The following FBXO30 variants were observed in gnomAD, a reference collection of about 807,000 sequenced individuals.
FBXO30 encodes the protein F-box protein 30.
Under a neutral mutation model 58.1 loss-of-function variants are expected in FBXO30, and 21 were observed. The observed-to-expected ratio is 0.36, with a 90% CI of 0.26 to 0.52. The LOEUF is 0.52. Ranked by LOEUF, FBXO30 falls within the 20% of genes least tolerant of loss-of-function variation. FBXO30 has a pLI of 0.93. For missense variants in FBXO30, 744 were observed against 897.3 expected, an observed-to-expected ratio of 0.83 and a Z score of 2.18; for synonymous variants, 309 against 312.4, an observed-to-expected ratio of 0.99 and a Z score of 0.11.
chr6:145,807,309 AT>A (rs1186022918), intron 1 of FBXO30, among the ~76,000 whole-genome samples: 2 of 152,238 alleles, frequency 1.3e-5, no homozygotes, highest in Non-Finnish European at 2.9e-5. Flanking sequence ...ATGAGTAGGG[AT>A]TAGAGAATAA....
rs1777882344 is a variant in FBXO30, at chr6:145,797,179, T to G, written c.*2927A>C. On this transcript the variant is annotated 3_prime_UTR_variant, in exon 3 of 3. Coordinates refer to ENST00000237281, the MANE Select transcript of FBXO30 (RefSeq NM_032145.5). Reference sequence around the variant, plus strand: ...ATGAACTAAAATTTGCACTGCAATTTACCTTGAACAGAAGAAACACTAGTA... The same window carrying G: ...ATGAACTAAAATTTGCACTGCAATTGACCTTGAACAGAAGAAACACTAGTA... 6.6e-6 allele frequency: 1 copy of G among 151,986 alleles called. No individual in the cohort carries two copies. The highest frequency in any genetic ancestry group is 1.5e-5 in the Non-Finnish European group (1 of 67,922). The allele number at this position is 151,986 out of a possible 1,614,324, so 9.4% of individuals were successfully genotyped here.
At chr6:145,809,005 A>G (rs893007084) in intron 1 of FBXO30, among the ~76,000 whole-genome samples, 4 of 149,612 alleles carry the variant, frequency 2.7e-5, no homozygotes, top group Non-Finnish European at 4.5e-5. Flanking sequence ...TTCCGAGTTG[A>G]TATTATGGTG....
Position 145,806,337 on chromosome 6 carries a change from C to G in FBXO30, c.69G>C (p.Glu23Asp). 1.2e-6 allele frequency: 2 copies of G among 1,613,942 alleles called. No homozygotes were observed. The highest frequency in any genetic ancestry group is 2.2e-5 in the South Asian group (2 of 91,080). Residue 23 changes from glutamate (E) to aspartate (D), a missense_variant, in exon 2 of 3, where the codon GAG becomes GAC. Physicochemically the swap from Glu to Asp is conservative, Grantham distance 45. Transcript: ENST00000237281. ...CVSRRCMTRPEPGISCDLIGC... is the reference protein window; with the variant it reads ...CVSRRCMTRPDPGISCDLIGC... ...CAATCAAATCACAGGAAATCCCTGG[C>G]TCTGGCCTGGTCATGCACCGTCTAC...
intron 1 of FBXO30, chr6:145,809,778 G>GA (rs1479593104): frequency 6.6e-6 from 1 of 152,156 alleles, no homozygotes; most frequent in Non-Finnish European, 1.5e-5. Context: ...CAACCTGGAG[G>GA]AAACTGAGGT....
chr6:145,804,827 A>G lies in FBXO30; in HGVS notation c.1579T>C (p.Phe527Leu). 3 of 1,613,944 alleles carry G rather than the reference A, an allele frequency of 1.9e-6. No homozygotes were observed. The highest frequency in any genetic ancestry group is 2.7e-5 in the African/African-American group (2 of 75,028). The change falls in exon 2 of 3, where the codon TTT becomes CTT. Residue 527 changes from phenylalanine (F) to leucine (L), a missense_variant. By Grantham distance (22) the Phe-to-Leu change is conservative. Transcript: ENST00000237281. ...TGGGAAGAAAATTCTTTCCTTCTAA[A>G]TAACTGTCCACACACAAAGGTAAAC... ...SMFTFVCGQLFRRKEFSSHFK... is the reference protein window; with the variant it reads ...SMFTFVCGQLLRRKEFSSHFK...
rs528327276 is a variant in FBXO30, at chr6:145,793,606, T to C, written c.*6500A>G. On this transcript the variant is annotated 3_prime_UTR_variant, in exon 3 of 3. Coordinates refer to ENST00000237281, the MANE Select transcript of FBXO30 (RefSeq NM_032145.5). The stretch of plus-strand genomic sequence containing the variant: ...CTATAAAAAAAAACCTTGAAAATTA[T>C]ACAAATTTTTTTCAAAGCATGGTTT... 5 of 152,026 alleles carry C rather than the reference T, an allele frequency of 3.3e-5. No homozygotes were observed. Among genetic ancestry groups the C allele is most frequent in the African/African-American group, 9.7e-5 (4 of 41,448 alleles). The allele number at this position is 152,026 out of a possible 1,614,324, so 9.4% of individuals were successfully genotyped here.
rs1777907266 is a variant in FBXO30 at position 145,798,383 on chromosome 6, C to T, written c.*1723G>A. On this transcript the variant is annotated 3_prime_UTR_variant, in exon 3 of 3. Coordinates refer to ENST00000237281, the MANE Select transcript of FBXO30 (RefSeq NM_032145.5). ...GAAATAAGAAGTCTAAATTTAAAAA[C>T]AATGAATTTTAAAAAGCATAACTAT... 6.6e-6 allele frequency: 1 copy of T among 152,238 alleles called. No homozygotes were observed. Among genetic ancestry groups the T allele is most frequent in the Non-Finnish European group, 1.5e-5 (1 of 67,898 alleles). The allele number at this position is 152,238 out of a possible 1,614,324, so 9.4% of individuals were successfully genotyped here.
intron 1 of FBXO30, among the ~76,000 whole-genome samples, chr6:145,808,483 A>G (rs1562246886): frequency 6.6e-6 from 1 of 152,074 alleles, no homozygotes; most frequent in Non-Finnish European, 1.5e-5. Flanking sequence ...CTTCTTAACT[A>G]TTACTCAATA....
chr6:145,813,443 C>G (rs1778391001), intron 1 of FBXO30, among the ~76,000 whole-genome samples: 1 of 152,110 alleles, frequency 6.6e-6, no homozygotes, highest in Admixed American at 6.5e-5. Flanking sequence ...GAAACAGTGA[C>G]TAAGCATGAA....
chr6:145,803,807 C>T (rs946413219), intron 2 of FBXO30, among the ~76,000 whole-genome samples: 28 of 152,122 alleles, frequency 1.8e-4, no homozygotes, highest in Admixed American at 1.6e-3. Flanking sequence ...GTTCTCACAG[C>T]GGCCTAAAGC....
rs958966511 is a variant in FBXO30, at chr6:145,793,593, A to G, written c.*6513T>C. 1 of 152,052 alleles carries G rather than the reference A, an allele frequency of 6.6e-6. No homozygotes were observed. The highest frequency in any genetic ancestry group is 1.5e-5 in the Non-Finnish European group (1 of 67,930). 9.4% of individuals were successfully genotyped at this position (152,052 alleles called of 1,614,324 possible). A position where few individuals can be genotyped will look rare whatever the true frequency, so the allele number is the denominator to read the frequency against. On this transcript the variant is annotated 3_prime_UTR_variant, in exon 3 of 3. Coordinates refer to ENST00000237281, the MANE Select transcript of FBXO30 (RefSeq NM_032145.5). ...ACAAAGTATAAAACTATAAAAAAAA[A>G]CCTTGAAAATTATACAAATTTTTTT...
Position 145,804,768 on chromosome 6 carries a change from T to C in FBXO30, c.1638A>G (p.Gly546=). The change falls in exon 2 of 3, where the codon GGA becomes GGG. Residue 546 remains glycine (G), a synonymous_variant. Coordinates refer to ENST00000237281, the MANE Select transcript of FBXO30 (RefSeq NM_032145.5). ...FKNVHGDIHA[G]LNGWMEQRCP... ...ACCTCTGTTCCATCCAGCCATTGAG[T>C]CCAGCATGAATGTCACCATGCACAT... is the stretch of plus-strand genomic sequence containing the variant. The C allele has an allele frequency of 6.2e-7, 1 of 1,613,962 alleles. No individual in the cohort carries two copies. The highest frequency in any genetic ancestry group is 1.3e-5 in the African/African-American group (1 of 75,016).
rs1413928852 is a variant in FBXO30 at position 145,804,477 on chromosome 6, C to T, written c.1929G>A (p.Met643Ile). The T allele has an allele frequency of 2.2e-5, 36 of 1,613,628 alleles. No individual in the cohort carries two copies. Among genetic ancestry groups the T allele is most frequent in the Non-Finnish European group, 3.0e-5 (35 of 1,179,786 alleles). The change falls in exon 2 of 3, where the codon ATG (methionine) becomes ATA (isoleucine). Residue 643 changes from methionine (M) to isoleucine (I), a missense_variant. Physicochemically the swap from Met to Ile is conservative, Grantham distance 10. Coordinates refer to ENST00000237281, the MANE Select transcript of FBXO30 (RefSeq NM_032145.5). ...LCQLSCVSKLMRDVCGSLLQS... is the reference protein window; with the variant it reads ...LCQLSCVSKLIRDVCGSLLQS... ...GAAGCAGGCTGCCACACACATCCCT[C>T]ATTAACTTGGATACACATGAGAGCT... is the stretch of plus-strand genomic sequence containing the variant.
rs765335173 is a variant in FBXO30, at chr6:145,805,437, G to A, written c.969C>T (p.Gly323=). Residue 323 remains glycine, a synonymous_variant, in exon 2 of 3, where the codon GGC becomes GGT. Transcript: ENST00000237281. ...CAAGTGAGCTGGAAGGTTTTGAAGT[G>A]CCATCTGATGATGCCACACAGTCTC... The part of the protein sequence containing the change: ...TNGDCVASSD[G]TSKPSSSLAV... The A allele has an allele frequency of 6.2e-6, 10 of 1,613,336 alleles. No homozygotes were observed. Among genetic ancestry groups the A allele is most frequent in the Non-Finnish European group, 8.5e-6 (10 of 1,179,674 alleles).
rs1177893123 is a variant in FBXO30, at chr6:145,798,102, C to T, written c.*2004G>A. On this transcript the variant is annotated 3_prime_UTR_variant, in exon 3 of 3. Coordinates refer to ENST00000237281, the MANE Select transcript of FBXO30 (RefSeq NM_032145.5). ...ACAACTACCATAACATGCAGAAAAT[C>T]CACATTACAGAAACAATATGATTGT... 3 of 151,940 alleles carry T rather than the reference C, an allele frequency of 2.0e-5. No homozygotes were observed. Among genetic ancestry groups the T allele is most frequent in the Non-Finnish European group, 4.4e-5 (3 of 67,934 alleles). 9.4% of individuals were successfully genotyped at this position (151,940 alleles called of 1,614,324 possible).
rs1778142620 is a variant in FBXO30 at position 145,805,612 on chromosome 6, C to A, written c.794G>T (p.Gly265Val). ...TNQNAQSEQN[G>V]SSDLLCDLNT... ...CAAGTCACATAATAAATCACTTGAA[C>A]CATTTTGTTCAGACTGGGCATTCTG... The change falls in exon 2 of 3, where the codon GGT becomes GTT. Residue 265 changes from glycine (G) to valine (V), a missense_variant. Gly to Val is a moderately radical substitution (Grantham distance 109). This residue lies in a region of FBXO30 where 275 missense variants were observed against 262.0 expected (regional missense o/e 1.05). Coordinates refer to ENST00000237281, the MANE Select transcript of FBXO30 (RefSeq NM_032145.5). 6.2e-7 allele frequency: 1 copy of A among 1,613,994 alleles called. No individual in the cohort carries two copies. Among genetic ancestry groups the A allele is most frequent in the East Asian group, 2.2e-5 (1 of 44,872 alleles).
At chr6:145,802,131 C>T (rs948935961) in intron 2 of FBXO30, among the ~76,000 whole-genome samples, 7 of 152,068 alleles carry the variant, frequency 4.6e-5, no homozygotes, top group Non-Finnish European at 7.4e-5. Context: ...ATTGATCAAT[C>T]AATTTCAAAA....
intron 1 of FBXO30, among the ~76,000 whole-genome samples, chr6:145,811,517 AT>A (rs1480706673): frequency 6.6e-6 from 1 of 152,188 alleles, no homozygotes; most frequent in African/African-American, 2.4e-5. Context: ...TTTACCTTAT[AT>A]TTTTCCACTA....
chr6:145,809,990 AC>A (rs990072132), intron 1 of FBXO30: 4 of 152,196 alleles, frequency 2.6e-5, no homozygotes, highest in Non-Finnish European at 5.9e-5. Context: ...AGATTACACA[AC>A]TTTGCTTGTA....
Sources: gnomAD v4.1 joint callset for allele counts (sites outside exome capture counted in the v4.1 genomes callset) on GRCh38, gnomAD v4.1.1 for gene constraint, gnomAD v4.1.1 regional missense constraint, MANE v1.5 for transcripts, NCBI Gene and HGNC (gene_info 2026-07-23, HGNC 2026-07-21) for gene names.